HAUS8: variants seen among roughly 807,000 people sequenced by gnomAD.
The protein encoded by HAUS8 is HAUS augmin like complex subunit 8.
A neutral mutation model predicts 42.9 loss-of-function variants in HAUS8; 38 were observed. The observed-to-expected ratio is 0.89, with a 90% CI of 0.68 to 1.16. HAUS8 has a LOEUF of 1.16. HAUS8 is among the 50% of genes most tolerant of loss of function. The pLI, the probability that HAUS8 is intolerant of heterozygous loss-of-function variation, is 0.00. For synonymous variants in HAUS8, 199 were observed against 205.8 expected, an observed-to-expected ratio of 0.97 and a Z score of 0.28; for missense variants, 494 against 511.6, an observed-to-expected ratio of 0.97 and a Z score of 0.33.
At position 17,060,149 on chromosome 19, in the gene HAUS8, G is replaced by T. The variant is rs558336588; in HGVS notation, c.230-57C>A. ...CAGTCAAGAGACACTCTCCATTCAA[G>T]CCAGGAAACGCAGGCCGTGTTTTTG... On this transcript the variant is annotated intron_variant, in intron 4 of 10. Coordinates refer to ENST00000253669, the MANE Select transcript of HAUS8 (RefSeq NM_033417.2). The T allele has an allele frequency of 9.1e-6, 11 of 1,212,078 alleles. No individual in the cohort carries two copies. In the Admixed American group the frequency reaches 1.4e-4, roughly 16 times the overall value. The allele number at this position is 1,212,078 out of a possible 1,614,324, so 75.1% of individuals were successfully genotyped here.
At chr19:17,062,632 A>T in intron 4 of HAUS8, 66 bp downstream of exon 4, 1 of 1,176,562 alleles carries the variant, frequency 8.5e-7, no homozygotes, top group Non-Finnish European at 1.3e-6. Flanking sequence ...ACTTTAACTT[A>T]GCACCCATGG....
At chr19:17,058,502 A>AT (rs1478709344) in intron 8 of HAUS8, 47 bp downstream of exon 8, 2 of 1,529,426 alleles carry the variant, frequency 1.3e-6, no homozygotes, top group Non-Finnish European at 1.8e-6. Flanking sequence ...GATGGGACAG[A>AT]TTCACAGGGA....
chr19:17,067,678 T>A (rs2057395221), intron 3 of HAUS8, among the ~76,000 whole-genome samples: 1 of 152,188 alleles, frequency 6.6e-6, no homozygotes, highest in Non-Finnish European at 1.5e-5. Flanking sequence ...ACTGTGACCC[T>A]TTGTTGAAAA....
intron 3 of HAUS8, among the ~76,000 whole-genome samples, chr19:17,068,142 C>G (rs1237014775): frequency 1.7e-5 from 2 of 118,216 alleles, no homozygotes; most frequent in African/African-American, 3.4e-5. Context: ...GGGTCAGGGT[C>G]TCGCTCTGTC....
At chr19:17,075,191 C>A (rs2057461785) in intron 1 of HAUS8, 1 of 570,674 alleles carries the variant, frequency 1.8e-6, no homozygotes, top group Non-Finnish European at 3.1e-6. Context: ...CAGCCGAGGA[C>A]GCGGAACTCA....
chr19:17,056,357 GT>G (rs1191817401), intron 8 of HAUS8, among the ~76,000 whole-genome samples: 1 of 152,204 alleles, frequency 6.6e-6, no homozygotes, highest in African/African-American at 2.4e-5. Context: ...CTTCATGGGG[GT>G]TTGAAATGAT....
intron 6 of HAUS8, among the ~76,000 whole-genome samples, chr19:17,059,202 T>C (rs2057344777): frequency 6.6e-6 from 1 of 152,198 alleles, no homozygotes; most frequent in Non-Finnish European, 1.5e-5. Context: ...CCCCACCTGC[T>C]GGTCCCCCAA....
intron 4 of HAUS8, 151 bp from the exon 5 acceptor site, chr19:17,060,243 A>AAC: frequency 1.8e-6 from 1 of 544,460 alleles, no homozygotes; most frequent in Non-Finnish European, 3.3e-6. Context: ...AAAAAAAAAA[A>AAC]AAAACCTGTG....
intron 2 of HAUS8, among the ~76,000 whole-genome samples, chr19:17,069,572 G>C (rs1055006976): frequency 4.0e-5 from 6 of 151,338 alleles, no homozygotes; most frequent in Admixed American, 2.6e-4. Context: ...CAACACCCAG[G>C]CCCTCTTCAG....
At chr19:17,056,114 C>A (rs1313439970) in intron 8 of HAUS8, 112 bp from the exon 9 acceptor site, 18 of 1,013,668 alleles carry the variant, frequency 1.8e-5, no homozygotes, top group East Asian at 2.4e-5. Context: ...TTCACCACCC[C>A]CCAGGGAATC....
intron 3 of HAUS8, among the ~76,000 whole-genome samples, chr19:17,065,534 T>C (rs757877197): frequency 1.3e-5 from 2 of 152,018 alleles, no homozygotes; most frequent in African/African-American, 2.4e-5. Context: ...GAAGACTCTA[T>C]AAAAACCCAA....
intron 5 of HAUS8, 23 bp from the exon 6 acceptor site, chr19:17,059,674 T>C (rs770406944): frequency 1.3e-6 from 2 of 1,549,888 alleles, no homozygotes; most frequent in South Asian, 1.1e-5. Flanking sequence ...ACAGCATTTT[T>C]AATGGCAAGT....
At chr19:17,054,066 C>T (rs1325567664) in intron 9 of HAUS8, among the ~76,000 whole-genome samples, 1 of 152,068 alleles carries the variant, frequency 6.6e-6, no homozygotes, top group Admixed American at 6.5e-5. Flanking sequence ...CCAAGGGCCA[C>T]CAGCAGCCAC....
At chr19:17,052,402 ATGAC>A (rs1030212960) in intron 10 of HAUS8, 1 of 168,452 alleles carries the variant, frequency 5.9e-6, no homozygotes, top group African/African-American at 2.4e-5. Flanking sequence ...TAGCTCAAAA[ATGAC>A]TGAGAAGTAG....
intron 3 of HAUS8, among the ~76,000 whole-genome samples, chr19:17,068,099 CTTTTTTTTTTTTTT>C (rs889723027): frequency 2.1e-5 from 2 of 93,506 alleles, no homozygotes; most frequent in African/African-American, 4.3e-5. Flanking sequence ...TTATTTTATT[CTTTTTTTTTTTTTT>C]TTTTTTTTTT....
intron 10 of HAUS8, chr19:17,051,660 A>ATTTTTTTTTTTTTTTT (rs35343811): frequency 8.8e-6 from 1 of 113,664 alleles, no homozygotes. Flanking sequence ...ACTTCCATAG[A>ATTTTTTTTTTTTTTTT]TTTTTTTTTT....
chr19:17,057,494 TC>T (rs1347228082), intron 8 of HAUS8, among the ~76,000 whole-genome samples: 3 of 152,216 alleles, frequency 2.0e-5, no homozygotes, highest in Non-Finnish European at 1.5e-5. Flanking sequence ...ATGAGTTTCT[TC>T]AAATTGTCAC....
intron 9 of HAUS8, chr19:17,055,096 C>T (rs570803760): frequency 3.0e-4 from 32 of 106,202 alleles, no homozygotes; most frequent in African/African-American, 1.0e-3. Context: ...GGCAACATAG[C>T]GAAACCCCGT....
intron 3 of HAUS8, among the ~76,000 whole-genome samples, chr19:17,064,706 A>T (rs1457953721): frequency 6.6e-6 from 1 of 152,224 alleles, no homozygotes; most frequent in South Asian, 2.1e-4. Flanking sequence ...CACACCATAC[A>T]CAAAAACTAA....
Sources: gnomAD v4.1 joint callset for allele counts (sites outside exome capture counted in the v4.1 genomes callset) on GRCh38, gnomAD v4.1.1 for gene constraint, MANE v1.5 for transcripts, NCBI Gene and HGNC (gene_info 2026-07-23, HGNC 2026-07-21) for gene names.